The following VPS13B variants were observed in gnomAD, a reference collection of about 807,000 sequenced individuals.
VPS13B encodes vacuolar protein sorting 13 homolog B.
VPS13B carries 285 observed loss-of-function variants against 426.4 expected under a neutral mutation model. That is an observed-to-expected ratio of 0.67 (90% CI 0.61 to 0.74). The LOEUF is 0.74. VPS13B is among the 30% of genes least tolerant of loss of function. The pLI, the probability that VPS13B is intolerant of heterozygous loss-of-function variation, is 0.00. For synonymous variants in VPS13B, 1,676 were observed against 1,676.4 expected, an observed-to-expected ratio of 1.00 and a Z score of 0.01; for missense variants, 4,537 against 4,782.6, an observed-to-expected ratio of 0.95 and a Z score of 1.51.
intron 21 of VPS13B, among the ~76,000 whole-genome samples, chr8:99,399,323 G>A (rs1236695563): frequency 6.6e-6 from 1 of 152,046 alleles, no homozygotes; most frequent in African/African-American, 2.4e-5. Context: ...GATATACAAA[G>A]TTAAAATTAT....
chr8:99,534,972 G>T (rs1563781527), intron 30 of VPS13B, among the ~76,000 whole-genome samples: 1 of 152,184 alleles, frequency 6.6e-6, no homozygotes, highest in Non-Finnish European at 1.5e-5. Flanking sequence ...ACCTGTAAAT[G>T]TGAGAAGCAG....
chr8:99,716,667 G>A (rs1347998462), intron 36 of VPS13B, among the ~76,000 whole-genome samples: 1 of 152,124 alleles, frequency 6.6e-6, no homozygotes, highest in Non-Finnish European at 1.5e-5. Flanking sequence ...TATGATGTGT[G>A]AAGTTTGGAT....
intron 19 of VPS13B, among the ~76,000 whole-genome samples, chr8:99,383,610 A>T (rs1167350558): frequency 1.3e-5 from 2 of 152,166 alleles, no homozygotes; most frequent in Non-Finnish European, 2.9e-5. Flanking sequence ...AGCTCTTAGC[A>T]GTTATTTCTA....
At chr8:99,739,569 C>G (rs536346916) in intron 39 of VPS13B, among the ~76,000 whole-genome samples, 1 of 152,204 alleles carries the variant, frequency 6.6e-6, no homozygotes, top group Non-Finnish European at 1.5e-5. Flanking sequence ...TGGGAGGCAC[C>G]CCCAAGTGGG....
intron 19 of VPS13B, among the ~76,000 whole-genome samples, chr8:99,308,971 C>G (rs764938065): frequency 6.6e-6 from 1 of 152,080 alleles, no homozygotes; most frequent in Non-Finnish European, 1.5e-5. Flanking sequence ...GGGCTGCATA[C>G]GTGTCTTCTT....
intron 14 of VPS13B, among the ~76,000 whole-genome samples, chr8:99,152,027 C>A (rs557545168): frequency 1.4e-4 from 22 of 152,100 alleles, no homozygotes; most frequent in African/African-American, 5.3e-4. Context: ...TTTTCAATTT[C>A]ATTGATTTCT....
At chr8:99,717,788 C>A (rs1303931357) in intron 37 of VPS13B, among the ~76,000 whole-genome samples, 3 of 152,214 alleles carry the variant, frequency 2.0e-5, no homozygotes, top group African/African-American at 7.2e-5. Context: ...AACCTGTGGT[C>A]TTCTGTGACC....
intron 30 of VPS13B, among the ~76,000 whole-genome samples, chr8:99,550,879 G>T (rs945652401): frequency 1.4e-4 from 22 of 151,972 alleles, no homozygotes; most frequent in African/African-American, 5.1e-4. Flanking sequence ...TAACTGAATT[G>T]TATTGTGCTC....
At chr8:99,077,912 T>A (rs913245009) in intron 3 of VPS13B, among the ~76,000 whole-genome samples, 1 of 152,156 alleles carries the variant, frequency 6.6e-6, no homozygotes, top group East Asian at 1.9e-4. Flanking sequence ...AAAAAAGTTA[T>A]CTTAAAAGAC....
At position 99,102,803 on chromosome 8, in the gene VPS13B, C is replaced by T. The variant is rs542360856; in HGVS notation, c.413-150C>T. ...TTATTACCTGTGTCACTTTGGCAAG[C>T]CTTTTAACCTATCTGAACTTCAGTT... On this transcript the variant is annotated intron_variant, in intron 4 of 61. Coordinates refer to ENST00000357162, the MANE Select transcript of VPS13B (RefSeq NM_152564.5). 5.2e-4 allele frequency: 396 copies of T among 765,214 alleles called. 6 individuals are homozygous for T. In the South Asian group the frequency reaches 7.0e-3, roughly 14 times the overall value. 47.4% of individuals were successfully genotyped at this position (765,214 alleles called of 1,614,324 possible).
At chr8:99,139,777 A>G (rs1306766062) in intron 12 of VPS13B, among the ~76,000 whole-genome samples, 1 of 151,920 alleles carries the variant, frequency 6.6e-6, no homozygotes, top group East Asian at 1.9e-4. Flanking sequence ...ACCTGAAACA[A>G]GAAATTTGTA....
chr8:99,498,865 G>A lies in VPS13B; in HGVS notation c.3871-2822G>A, dbSNP rs74736086. Among the ~76,000 whole-genome samples, 41 of 152,238 alleles carry A rather than the reference G, an allele frequency of 2.7e-4. 1 individual carries two copies. Among genetic ancestry groups the A allele is most frequent in the African/African-American group, 9.4e-4 (39 of 41,540 alleles). The stretch of plus-strand genomic sequence containing the variant: ...AGCAAAGGTAGTTGAGACCACAGCA[G>A]GCCACTTGTTACTGTTGACTTAAGT... On this transcript the variant is annotated intron_variant, in intron 25 of 61. Coordinates refer to ENST00000357162, the MANE Select transcript of VPS13B (RefSeq NM_152564.5).
At chr8:99,074,200 T>C (rs560037419) in intron 3 of VPS13B, among the ~76,000 whole-genome samples, 36 of 152,322 alleles carry the variant, frequency 2.4e-4, no homozygotes, top group African/African-American at 8.4e-4. Flanking sequence ...GTTTGTCATA[T>C]ATGGCCTTTA....
chr8:99,534,800 A>G (rs996825051), intron 30 of VPS13B, among the ~76,000 whole-genome samples: 2 of 152,164 alleles, frequency 1.3e-5, no homozygotes, highest in African/African-American at 4.8e-5. Context: ...CATTTTTCTC[A>G]TTAATAACAA....
At chr8:99,102,265 CTCCT>C (rs1212209529) in intron 4 of VPS13B, among the ~76,000 whole-genome samples, 1 of 152,034 alleles carries the variant, frequency 6.6e-6, no homozygotes, top group African/African-American at 2.4e-5. Context: ...TTTATACATT[CTCCT>C]TCCTTCCATA....
intron 58 of VPS13B, among the ~76,000 whole-genome samples, chr8:99,865,067 G>A (rs1817028245): frequency 6.6e-6 from 1 of 152,212 alleles, no homozygotes; most frequent in Non-Finnish European, 1.5e-5. Context: ...ACTGCCCCAG[G>A]TCAGCAGGGA....
intron 27 of VPS13B, among the ~76,000 whole-genome samples, chr8:99,503,968 C>A (rs947580938): frequency 2.0e-5 from 3 of 152,168 alleles, no homozygotes; most frequent in African/African-American, 4.8e-5. Flanking sequence ...TCGGAAGAAT[C>A]ACTATCTGAT....
intron 19 of VPS13B, among the ~76,000 whole-genome samples, chr8:99,303,920 G>A (rs1820508843): frequency 6.6e-6 from 1 of 151,822 alleles, no homozygotes; most frequent in Non-Finnish European, 1.5e-5. Flanking sequence ...GTTCTCCATA[G>A]CTTCTTTTGT....
intron 3 of VPS13B, among the ~76,000 whole-genome samples, chr8:99,086,842 C>G (rs1436840174): frequency 6.6e-6 from 1 of 152,134 alleles, no homozygotes; most frequent in Non-Finnish European, 1.5e-5. Context: ...GAGTACCGGG[C>G]TGTGTGAGGT....
Sources: gnomAD v4.1 joint callset for allele counts (sites outside exome capture counted in the v4.1 genomes callset) on GRCh38, gnomAD v4.1.1 for gene constraint, MANE v1.5 for transcripts, NCBI Gene and HGNC (gene_info 2026-07-23, HGNC 2026-07-21) for gene names.